The following PARD3B variants were observed in gnomAD, a reference collection of about 807,000 sequenced individuals.
The protein encoded by PARD3B is partitioning defective 3 homolog B.
In PARD3B, 103 loss-of-function variants were observed where a neutral mutation model predicts 130.2. That is an observed-to-expected ratio of 0.79 (90% CI 0.67 to 0.93). The LOEUF (loss-of-function observed/expected upper bound fraction) is 0.93, where lower values mean the gene tolerates loss of function less well. PARD3B is among the 40% of genes least tolerant of loss of function. PARD3B has a pLI of 0.00. For missense variants in PARD3B, 1,609 were observed against 1,499.2 expected (o/e 1.07, Z -1.21); for synonymous variants, 583 against 553.2 (o/e 1.05, Z -0.76).
intron 2 of PARD3B, among the ~76,000 whole-genome samples, chr2:204,902,668 C>CA (rs5837941): frequency 0.023 from 1,544 of 67,216 alleles, 26 homozygotes; most frequent in African/African-American, 0.038. Flanking sequence ...GACTCTGTCT[C>CA]AAAAAAAAAA....
At chr2:205,502,943 C>T (rs1453165490) in intron 21 of PARD3B, among the ~76,000 whole-genome samples, 3 of 151,892 alleles carry the variant, frequency 2.0e-5, no homozygotes, top group Admixed American at 6.6e-5. Flanking sequence ...TTCTCTTACT[C>T]CTCCCTAGGG....
chr2:204,980,267 G>T (rs1559322174), intron 3 of PARD3B, among the ~76,000 whole-genome samples: 1 of 152,054 alleles, frequency 6.6e-6, no homozygotes, highest in Non-Finnish European at 1.5e-5. Flanking sequence ...GCAAATTTCA[G>T]CAACAAAATA....
chr2:204,829,478 A>C (rs1261873507), intron 2 of PARD3B, among the ~76,000 whole-genome samples: 1 of 152,138 alleles, frequency 6.6e-6, no homozygotes, highest in Admixed American at 6.5e-5. Flanking sequence ...TTTTCATCAA[A>C]CTCAATGACA....
At chr2:205,207,758 G>T (rs2037400007) in intron 15 of PARD3B, among the ~76,000 whole-genome samples, 1 of 110,778 alleles carries the variant, frequency 9.0e-6, no homozygotes, top group Non-Finnish European at 1.8e-5. Flanking sequence ...TCCAGGACCA[G>T]ATGGATTCAC....
chr2:205,549,907 C>T (rs922044724), intron 21 of PARD3B, among the ~76,000 whole-genome samples: 7 of 151,944 alleles, frequency 4.6e-5, no homozygotes, highest in East Asian at 3.9e-4. Flanking sequence ...ATCTGTATGC[C>T]GCCTAAATTT....
At chr2:205,226,205 C>G (rs1057381940) in intron 15 of PARD3B, among the ~76,000 whole-genome samples, 2 of 152,148 alleles carry the variant, frequency 1.3e-5, no homozygotes, top group African/African-American at 4.8e-5. Flanking sequence ...CCACGCCCGG[C>G]TAATTTTTTG....
intron 15 of PARD3B, among the ~76,000 whole-genome samples, chr2:205,226,752 A>C (rs530560421): frequency 1.1e-3 from 165 of 152,166 alleles, no homozygotes; most frequent in African/African-American, 4.0e-3. Flanking sequence ...TGCTGTTCTG[A>C]TTACTTTAGC....
At chr2:205,581,303 G>C (rs192556949) in intron 22 of PARD3B, among the ~76,000 whole-genome samples, 1 of 104,312 alleles carries the variant, frequency 9.6e-6, no homozygotes, top group East Asian at 2.5e-4. Context: ...GATATAGATA[G>C]ATAGATAGAT....
chr2:205,084,845 T>TATGTTCC (rs1701644751), intron 4 of PARD3B, among the ~76,000 whole-genome samples: 1 of 152,046 alleles, frequency 6.6e-6, no homozygotes, highest in African/African-American at 2.4e-5. Context: ...TTTTTCTCTA[T>TATGTTCC]ATGTTCCTTT....
At chr2:205,007,065 A>G (rs1695324987) in intron 3 of PARD3B, among the ~76,000 whole-genome samples, 1 of 152,090 alleles carries the variant, frequency 6.6e-6, no homozygotes, top group Non-Finnish European at 1.5e-5. Flanking sequence ...TGGTGATTGG[A>G]TCATGGAGGC....
intron 2 of PARD3B, among the ~76,000 whole-genome samples, chr2:204,883,605 G>A (rs998916117): frequency 6.0e-5 from 9 of 149,932 alleles, no homozygotes; most frequent in Non-Finnish European, 1.0e-4. Context: ...CCGCCACCAC[G>A]CCCAGCTAAT....
At chr2:205,020,134 C>G (rs1480982276) in intron 3 of PARD3B, among the ~76,000 whole-genome samples, 1 of 152,070 alleles carries the variant, frequency 6.6e-6, no homozygotes, top group Admixed American at 6.6e-5. Context: ...TTTTATAGTT[C>G]CCTTCACTTA....
At chr2:205,000,686 A>G (rs908578851) in intron 3 of PARD3B, among the ~76,000 whole-genome samples, 1 of 152,194 alleles carries the variant, frequency 6.6e-6, no homozygotes, top group Admixed American at 6.5e-5. Context: ...CATTTTATTC[A>G]AACTTATCAC....
chr2:205,440,357 C>T lies in PARD3B; in HGVS notation c.2742-13C>T, dbSNP rs2047668620. ...CTCACATACATCTTTGCTACCTGTA[C>T]TGTATTTTTCAGGATTGGAGCAAAA... On this transcript the variant is annotated splice_polypyrimidine_tract_variant and intron_variant, in intron 19 of 22. Transcript: ENST00000406610. The surrounding 1 kb of genome is among the most constrained non-coding windows in gnomAD (Gnocchi z 4.2). 6.2e-7 allele frequency: 1 copy of T among 1,611,902 alleles called. No homozygotes were observed. Among genetic ancestry groups the T allele is most frequent in the Non-Finnish European group, 8.5e-7 (1 of 1,178,284 alleles).
chr2:205,275,837 C>CA (rs59238795), intron 16 of PARD3B, among the ~76,000 whole-genome samples: 11,999 of 59,314 alleles, frequency 0.2, 1,234 homozygotes, highest in African/African-American at 0.32. Context: ...AACTTTGTCT[C>CA]AAAAAAAAAA....
chr2:204,814,985 G>T (rs764778674), intron 2 of PARD3B, among the ~76,000 whole-genome samples: 17 of 151,756 alleles, frequency 1.1e-4, no homozygotes, highest in South Asian at 4.1e-4. Flanking sequence ...CTAAAATTTT[G>T]TTCAGGATTT....
At chr2:205,010,927 A>G (rs1410781442) in intron 3 of PARD3B, among the ~76,000 whole-genome samples, 1 of 151,896 alleles carries the variant, frequency 6.6e-6, no homozygotes, top group Non-Finnish European at 1.5e-5. Flanking sequence ...TTTTCTACTG[A>G]TTATTTTGGC....
At chr2:205,161,554 C>A (rs577232176) in intron 11 of PARD3B, among the ~76,000 whole-genome samples, 15 of 152,208 alleles carry the variant, frequency 9.9e-5, no homozygotes, top group Non-Finnish European at 1.5e-4. Context: ...TACTGTTGTT[C>A]CAGTAATCCA....
At chr2:205,526,101 C>G (rs1445754224) in intron 21 of PARD3B, among the ~76,000 whole-genome samples, 1 of 152,180 alleles carries the variant, frequency 6.6e-6, no homozygotes, top group East Asian at 1.9e-4. Context: ...TCATCCATTT[C>G]AACTAGACCC....
Sources: gnomAD v4.1 joint callset for allele counts (sites outside exome capture counted in the v4.1 genomes callset) on GRCh38, gnomAD v4.1.1 for gene constraint, Gnocchi (gnomAD v3.1) non-coding constraint, MANE v1.5 for transcripts, NCBI Gene and HGNC (gene_info 2026-07-23, HGNC 2026-07-21) for gene names.